PRDM8: variants seen among roughly 807,000 people sequenced by gnomAD.
PRDM8 encodes the protein PR/SET domain 8, also known as PR domain zinc finger protein 8.
PRDM8 carries 13 observed loss-of-function variants against 46.5 expected under a neutral mutation model. That is an observed-to-expected ratio of 0.28 (90% CI 0.18 to 0.44). PRDM8 has a LOEUF of 0.44. Among genes scored for constraint, PRDM8 ranks in the 20% least tolerant of loss-of-function variants. The pLI, the probability that PRDM8 is intolerant of heterozygous loss-of-function variation, is 1.00. For missense variants in PRDM8, 998 were observed against 955.0 expected (o/e 1.04, Z -0.59); for synonymous variants, 473 against 438.4 (o/e 1.08, Z -0.98).
chr4:80,203,196 C>T lies in PRDM8; in HGVS notation c.1734C>T (p.Ala578=). ...GLPKQSPFLY[A]TAFWPKSSAA... The stretch of plus-strand genomic sequence containing the variant: ...CTAAGCAGAGCCCCTTCCTGTACGC[C>T]ACCGCCTTCTGGCCCAAGAGCTCCG... Residue 578 remains alanine (A), a synonymous_variant, in exon 4 of 4, where the codon GCC becomes GCT. Transcript: ENST00000415738. The T allele has an allele frequency of 6.4e-7, 1 of 1,550,888 alleles. No homozygotes were observed.
chr4:80,202,470 CG>C lies in PRDM8; in HGVS notation c.1009del (p.Val337Ter). 3 of 1,501,362 alleles carry C rather than the reference CG, an allele frequency of 2.0e-6. No individual in the cohort carries two copies. The South Asian group carries it at 3.6e-5, about 18-fold the overall frequency. 93.0% of individuals were successfully genotyped at this position (1,501,362 alleles called of 1,614,324 possible). A position where few individuals can be genotyped will look rare whatever the true frequency, so the allele number is the denominator to read the frequency against. ...GTCTGGTAGGGGGCCGGGGCCGCTT[CG>C]TAGAGCGGCCCCTCCCGGCCTCCAA... Reference protein sequence around the residue: ...AGLVGGRGRFVERPLPASKED... With the variant: ...AGLVGGRGRFXERPLPASKED... On this transcript the variant is annotated frameshift_variant, in exon 4 of 4. Transcript: ENST00000415738. LOFTEE classifies it high-confidence loss of function.
At chr4:80,197,350 G>A (rs949049768), upstream of PRDM8, 43 of 963,792 alleles carry the variant, frequency 4.5e-5, 1 homozygote, top group African/African-American at 1.6e-4. Context: ...GATCTGCGGG[G>A]CGCGGGCAGG....
chr4:80,189,069 C>G (rs1010580973), intron 1 of PRDM8, among the ~76,000 whole-genome samples: 26 of 152,194 alleles, frequency 1.7e-4, no homozygotes, highest in African/African-American at 5.8e-4. Context: ...AGCCACAGCC[C>G]TTCACAGGAG....
rs1343281216 is a variant in PRDM8, at chr4:80,197,664, T to G, written c.-102T>G. On this transcript the variant is annotated 5_prime_UTR_variant, in exon 1 of 4. The change abolishes an upstream ATG in the 5' untranslated region. Transcript: ENST00000415738. ...GCGGCAACACCAACACCTCTTGACA[T>G]GGAAATACACTGATACAATAGGCAA... 5 of 982,054 alleles carry G rather than the reference T, an allele frequency of 5.1e-6. No individual in the cohort carries two copies. The highest frequency in any genetic ancestry group is 6.0e-6 in the Non-Finnish European group (5 of 828,046). 60.8% of individuals were successfully genotyped at this position (982,054 alleles called of 1,614,324 possible).
chr4:80,203,448 A>G lies in PRDM8; in HGVS notation c.1986A>G (p.Arg662=). Residue 662 remains arginine (R), a synonymous_variant, in exon 4 of 4, where the codon CGA becomes CGG. Coordinates refer to ENST00000415738, the MANE Select transcript of PRDM8 (RefSeq NM_001099403.2). The part of the protein sequence containing the change: ...YAMEPLVKRR[R]EEKLKCPICN... ...TGGAGCCCTTGGTGAAGCGGCGGCG[A>G]GAGGAGAAACTCAAGTGCCCCATCT... 1 of 1,613,418 alleles carries G rather than the reference A, an allele frequency of 6.2e-7. No homozygotes were observed. The highest frequency in any genetic ancestry group is 8.5e-7 in the Non-Finnish European group (1 of 1,179,778).
upstream of PRDM8, chr4:80,196,911 G>C (rs1738003179): frequency 2.0e-6 from 2 of 985,286 alleles, no homozygotes; most frequent in Non-Finnish European, 2.4e-6. Flanking sequence ...CCCAAGCCAC[G>C]GGAAGGCTGA....
rs1553905625 is a variant in PRDM8 at position 80,202,116 on chromosome 4, G to A, written c.654G>A (p.Glu218=). The A allele has an allele frequency of 6.2e-7, 1 of 1,607,022 alleles. No homozygotes were observed. Among genetic ancestry groups the A allele is most frequent in the Non-Finnish European group, 8.5e-7 (1 of 1,177,880 alleles). ...AAGACCAGCAGCAGCAGCAGCAGGA[G>A]GCACCTTTAGGCCCGGGTCCCAAGT... ...GGKDQQQQQQ[E]APLGPGPKFC... is the part of the protein sequence containing the mutation. The change falls in exon 4 of 4, where the codon GAG becomes GAA. Residue 218 remains glutamate (E), a synonymous_variant. Transcript: ENST00000415738.
intron 1 of PRDM8, among the ~76,000 whole-genome samples, chr4:80,190,772 G>C (rs1440988850): frequency 1.3e-5 from 2 of 152,200 alleles, no homozygotes; most frequent in Non-Finnish European, 2.9e-5. Flanking sequence ...CTCAAACTCA[G>C]CTGTGTGGGG....
rs571886824 is a variant in PRDM8 at position 80,200,028 on chromosome 4, G to A, written c.-2-51G>A. 9 of 1,482,364 alleles carry A rather than the reference G, an allele frequency of 6.1e-6. 1 individual carries two copies. The highest frequency in any genetic ancestry group is 3.4e-5 in the Admixed American group (2 of 58,896). 91.8% of individuals were successfully genotyped at this position (1,482,364 alleles called of 1,614,324 possible). A position where few individuals can be genotyped will look rare whatever the true frequency, so the allele number is the denominator to read the frequency against. On this transcript the variant is annotated intron_variant, in intron 1 of 3. Coordinates refer to ENST00000415738, the MANE Select transcript of PRDM8 (RefSeq NM_001099403.2). ...GGACAGTTCTGCTTGGGTTAATGGC[G>A]TTAAAAGCAGTAACATAACTCACTT...
At position 80,201,782 on chromosome 4, in the gene PRDM8, T is replaced by C. The variant is rs1578261971; in HGVS notation, c.452-132T>C. The C allele has an allele frequency of 1.1e-4, 143 of 1,357,818 alleles. 3 individuals carry two copies. In the South Asian group the frequency reaches 1.8e-3, roughly 17 times the overall value. 84.1% of individuals were successfully genotyped at this position (1,357,818 alleles called of 1,614,324 possible). On this transcript the variant is annotated intron_variant, in intron 3 of 3. Coordinates refer to ENST00000415738, the MANE Select transcript of PRDM8 (RefSeq NM_001099403.2). ...ATTCTTTTCTCAGGCACTCAGGCCC[T>C]GAGAAATGAAGGTGGATTTGTCAAG...
At chr4:80,185,534 T>C (rs1321189896) in intron 1 of PRDM8, 1 of 151,808 alleles carries the variant, frequency 6.6e-6, no homozygotes, top group Non-Finnish European at 1.5e-5. Context: ...TGATGGGGAT[T>C]GGAGGAAGGG....
chr4:80,196,284 G>T (rs1737955356), upstream of PRDM8: 6 of 977,764 alleles, frequency 6.1e-6, no homozygotes, highest in Non-Finnish European at 7.3e-6. Flanking sequence ...TCAAAGTAGT[G>T]GTGGTGTGTG....
At chr4:80,191,719 G>GA (rs1320272019) in intron 2 of PRDM8, 1 of 152,164 alleles carries the variant, frequency 6.6e-6, no homozygotes, top group African/African-American at 2.4e-5. Flanking sequence ...AAAATCTTCT[G>GA]AAAACTAACA....
chr4:80,194,295 T>C (rs1737782486), upstream of PRDM8: 7 of 866,932 alleles, frequency 8.1e-6, no homozygotes, highest in South Asian at 3.7e-4. Context: ...GGAAATAAAA[T>C]CCTAGGGAAG....
upstream of PRDM8, chr4:80,196,551 C>T: frequency 1.0e-6 from 1 of 985,418 alleles, no homozygotes. Flanking sequence ...GCAACTCCAT[C>T]CCCTCCTCCA....
chr4:80,202,163 A>G lies in PRDM8; in HGVS notation c.701A>G (p.His234Arg), dbSNP rs866184031. The change falls in exon 4 of 4, where the codon CAC (histidine) becomes CGC (arginine). Residue 234 changes from histidine (H) to arginine (R), a missense_variant. By Grantham distance (29) the His-to-Arg change is conservative (BLOSUM62 0). Transcript: ENST00000415738. ...GPKFCKAGPL[H>R]HYPSPSPESS... ...AAGTTTTGCAAAGCCGGCCCCCTCC[A>G]CCACTACCCATCCCCCTCCCCGGAA... 2 of 1,609,020 alleles carry G rather than the reference A, an allele frequency of 1.2e-6. No individual in the cohort carries two copies. The highest frequency in any genetic ancestry group is 1.7e-6 in the Non-Finnish European group (2 of 1,178,922).
In PRDM8 at chr4:80,202,951, C is replaced by T. The variant is rs1459027118; in HGVS notation, c.1489C>T (p.Arg497Cys). 2 of 1,480,804 alleles carry T rather than the reference C, an allele frequency of 1.4e-6. No homozygotes were observed. 91.7% of individuals were successfully genotyped at this position (1,480,804 alleles called of 1,614,324 possible). ...GGGQGAASDE[R>C]KSAFSQPARS... Reference sequence around the variant, plus strand: ...GGGCCAGGGCGCCGCGTCGGACGAGCGCAAAAGCGCCTTCTCGCAGCCAGC... The same window carrying T: ...GGGCCAGGGCGCCGCGTCGGACGAGTGCAAAAGCGCCTTCTCGCAGCCAGC... Residue 497 changes from arginine to cysteine, a missense_variant, in exon 4 of 4, where the codon CGC becomes TGC. Arg to Cys is a radical substitution (Grantham distance 180, BLOSUM62 -3). Coordinates refer to ENST00000415738, the MANE Select transcript of PRDM8 (RefSeq NM_001099403.2).
intron 1 of PRDM8, among the ~76,000 whole-genome samples, chr4:80,187,530 C>T (rs758868069): frequency 6.6e-6 from 1 of 152,066 alleles, no homozygotes; most frequent in Non-Finnish European, 1.5e-5. Context: ...GGGTTTGGGG[C>T]TCCAAATTGA....
At chr4:80,186,232 G>A (rs1024480492) in intron 1 of PRDM8, among the ~76,000 whole-genome samples, 6 of 152,088 alleles carry the variant, frequency 3.9e-5, no homozygotes, top group Non-Finnish European at 8.8e-5. Context: ...GTTACTTTCA[G>A]AGGCCTCCCT....
Sources: gnomAD v4.1 joint callset for allele counts (sites outside exome capture counted in the v4.1 genomes callset) on GRCh38, gnomAD v4.1.1 for gene constraint, MANE v1.5 for transcripts, NCBI Gene and HGNC (gene_info 2026-07-23, HGNC 2026-07-21) for gene names.